Variants in CSMD1 observed in about 807,000 individuals in gnomAD.
CSMD1 encodes CUB and sushi domain-containing protein 1.
In CSMD1, 213 loss-of-function variants were observed where a neutral mutation model predicts 417.5. The ratio of observed to expected loss-of-function variants is 0.51; its 90% CI spans 0.46 to 0.57. CSMD1 has a LOEUF of 0.57. Ranked by LOEUF, CSMD1 falls within the 20% of genes least tolerant of loss-of-function variation. The pLI is 0.00. For synonymous variants in CSMD1, 2,862 were observed against 1,736.8 expected (o/e 1.65, Z -16.11); for missense variants, 6,923 against 4,529.7 (o/e 1.53, Z -15.17).
chr8:3,722,973 G>C (rs1326495895), intron 6 of CSMD1, among the ~76,000 whole-genome samples: 2 of 152,196 alleles, frequency 1.3e-5, no homozygotes, highest in Non-Finnish European at 2.9e-5. Flanking sequence ...GCTTAAAGCA[G>C]CATTTTATCA....
At chr8:4,794,975 A>T (rs1184484063) in intron 1 of CSMD1, among the ~76,000 whole-genome samples, 2 of 151,608 alleles carry the variant, frequency 1.3e-5, no homozygotes, top group African/African-American at 4.9e-5. Context: ...AAAGCCAGAG[A>T]AGAGAAAGAA....
At chr8:4,432,521 G>C (rs1797926551) in intron 2 of CSMD1, among the ~76,000 whole-genome samples, 1 of 152,160 alleles carries the variant, frequency 6.6e-6, no homozygotes, top group Non-Finnish European at 1.5e-5. Flanking sequence ...TGCTCGGAGT[G>C]TGAAAACACT....
chr8:4,766,403 G>A (rs532006005), intron 1 of CSMD1, among the ~76,000 whole-genome samples: 1 of 152,192 alleles, frequency 6.6e-6, no homozygotes, highest in East Asian at 1.9e-4. Context: ...ATCGTCCAAA[G>A]CCGTGAGACA....
intron 2 of CSMD1, among the ~76,000 whole-genome samples, chr8:4,433,373 G>A (rs1057097457): frequency 6.6e-6 from 1 of 152,074 alleles, no homozygotes; most frequent in African/African-American, 2.4e-5. Context: ...TAATATCATG[G>A]ACATGACATC....
intron 37 of CSMD1, among the ~76,000 whole-genome samples, chr8:3,170,258 A>C (rs1266648038): frequency 6.6e-6 from 1 of 152,022 alleles, no homozygotes; most frequent in Non-Finnish European, 1.5e-5. Flanking sequence ...CCCAGGCTGG[A>C]GTGCAGTGGT....
chr8:3,214,524 A>G lies in CSMD1; in HGVS notation c.4840T>C (p.Trp1614Arg). The G allele has an allele frequency of 6.3e-7, 1 of 1,599,866 alleles. No homozygotes were observed. ...TTGCAGGAGGGCAGCACTTGGTCCC[A>G]GGAGGGTTTCCCATCAGCCCCAATC... ...CVIGADGKPS[W>R]DQVLPSCNAP... Residue 1614 changes from tryptophan to arginine, a missense_variant, in exon 30 of 70, where the codon TGG (tryptophan) becomes CGG (arginine). Physicochemically the swap from Trp to Arg is moderately radical, Grantham distance 101 (BLOSUM62 -3). Coordinates refer to ENST00000635120, the MANE Select transcript of CSMD1 (RefSeq NM_033225.6).
intron 23 of CSMD1, among the ~76,000 whole-genome samples, chr8:3,313,290 G>A (rs10217058): frequency 0.3 from 45,705 of 152,062 alleles, 7,934 homozygotes; most frequent in Non-Finnish European, 0.39. Context: ...AAACTAACGA[G>A]GTTCTGCACA....
intron 5 of CSMD1, among the ~76,000 whole-genome samples, chr8:3,838,965 T>G (rs1467093212): frequency 1.0e-5 from 1 of 99,786 alleles, no homozygotes. Flanking sequence ...TATAAATTAA[T>G]ATTATATATA....
intron 1 of CSMD1, among the ~76,000 whole-genome samples, chr8:4,923,472 G>A (rs1038396549): frequency 6.6e-6 from 1 of 152,082 alleles, no homozygotes; most frequent in Non-Finnish European, 1.5e-5. Flanking sequence ...ACATGCCTGT[G>A]TCAAAACATC....
intron 1 of CSMD1, among the ~76,000 whole-genome samples, chr8:4,843,767 T>G (rs1399313378): frequency 1.3e-5 from 2 of 152,216 alleles, no homozygotes; most frequent in Non-Finnish European, 2.9e-5. Context: ...ATAAGAGGTC[T>G]CTGGAACGTA....
At chr8:4,206,082 G>C (rs1325711094) in intron 3 of CSMD1, among the ~76,000 whole-genome samples, 1 of 152,138 alleles carries the variant, frequency 6.6e-6, no homozygotes, top group Non-Finnish European at 1.5e-5. Flanking sequence ...TCAAAGGACA[G>C]AAAGTGAGTA....
At chr8:3,541,612 C>T (rs1284049070) in intron 10 of CSMD1, among the ~76,000 whole-genome samples, 2 of 149,626 alleles carry the variant, frequency 1.3e-5, no homozygotes, top group African/African-American at 4.9e-5. Flanking sequence ...AAAAATGGGT[C>T]ATGATTTTTA....
At chr8:3,046,508 C>G (rs73488439) in intron 50 of CSMD1, among the ~76,000 whole-genome samples, 1,856 of 152,262 alleles carry the variant, frequency 0.012, 32 homozygotes, top group African/African-American at 0.042. Flanking sequence ...AATCATGTCT[C>G]CTGATCCTCG....
At chr8:3,201,389 T>C (rs116309750) in intron 32 of CSMD1, among the ~76,000 whole-genome samples, 1,852 of 152,258 alleles carry the variant, frequency 0.012, 39 homozygotes, top group African/African-American at 0.042. Context: ...ATATTATATT[T>C]TCTGCAATCT....
At chr8:4,475,540 T>C (rs888580175) in intron 2 of CSMD1, among the ~76,000 whole-genome samples, 2 of 152,176 alleles carry the variant, frequency 1.3e-5, no homozygotes, top group Admixed American at 6.5e-5. Flanking sequence ...GAAAGTTTCA[T>C]CTATCTTGCA....
intron 3 of CSMD1, among the ~76,000 whole-genome samples, chr8:4,234,132 A>C (rs1290919562): frequency 6.6e-6 from 1 of 152,184 alleles, no homozygotes; most frequent in East Asian, 1.9e-4. Context: ...ATGAAATGGA[A>C]GATTATTCTT....
chr8:4,552,094 T>C (rs181782921), intron 2 of CSMD1, among the ~76,000 whole-genome samples: 1 of 152,356 alleles, frequency 6.6e-6, no homozygotes, highest in East Asian at 1.9e-4. Flanking sequence ...AACTGACATA[T>C]GCTAGCACTG....
intron 1 of CSMD1, among the ~76,000 whole-genome samples, chr8:4,953,104 A>G (rs1445061902): frequency 1.3e-5 from 2 of 152,154 alleles, no homozygotes; most frequent in South Asian, 2.1e-4. Context: ...ATATATTCAA[A>G]TGGAATTGTA....
intron 2 of CSMD1, among the ~76,000 whole-genome samples, chr8:4,515,896 T>G (rs1803090075): frequency 6.6e-6 from 1 of 152,128 alleles, no homozygotes. Context: ...ATCCAATTAT[T>G]TTAAAAATAG....
Sources: gnomAD v4.1 joint callset for allele counts (sites outside exome capture counted in the v4.1 genomes callset) on GRCh38, gnomAD v4.1.1 for gene constraint, MANE v1.5 for transcripts, NCBI Gene and HGNC (gene_info 2026-07-23, HGNC 2026-07-21) for gene names.